WDPCP: variants seen among roughly 807,000 people sequenced by gnomAD.
WDPCP encodes the protein WD repeat containing planar cell polarity effector, also known as WD repeat-containing and planar cell polarity effector protein fritz homolog.
In WDPCP, 71 loss-of-function variants were observed where a neutral mutation model predicts 93.1. The observed-to-expected ratio is 0.76, with a 90% CI of 0.63 to 0.93. WDPCP has a LOEUF of 0.93. Ranked by LOEUF, WDPCP falls within the 40% of genes least tolerant of loss-of-function variation. WDPCP has a pLI of 0.00. For synonymous variants in WDPCP, 315 were observed against 315.0 expected, an observed-to-expected ratio of 1.00 and a Z score of 0.00; for missense variants, 844 against 887.4, an observed-to-expected ratio of 0.95 and a Z score of 0.62.
At chr2:63,287,435 AC>A (rs1248949269) in intron 13 of WDPCP, among the ~76,000 whole-genome samples, 83 of 151,928 alleles carry the variant, frequency 5.5e-4, no homozygotes, top group African/African-American at 1.9e-3. Flanking sequence ...CTGTTGTAAC[AC>A]CCTAATTATT....
intron 17 of WDPCP, among the ~76,000 whole-genome samples, chr2:63,149,864 G>A (rs55635307): frequency 1.2e-4 from 18 of 152,242 alleles, no homozygotes; most frequent in Admixed American, 8.5e-4. Context: ...AGCTAGGCAT[G>A]GTGGCATGCA....
At chr2:63,527,551 A>C (rs1190408736) in intron 1 of WDPCP, among the ~76,000 whole-genome samples, 1 of 151,534 alleles carries the variant, frequency 6.6e-6, no homozygotes, top group Non-Finnish European at 1.5e-5. Context: ...ACATGACCTC[A>C]TCCTTTTTTA....
At chr2:63,622,698 G>A (rs756719068) in intron 3 of WDPCP, 16 of 1,613,760 alleles carry the variant, frequency 9.9e-6, no homozygotes, top group Admixed American at 3.3e-5. Flanking sequence ...CTGGTCAGGG[G>A]TCACCTCCCG....
In WDPCP at chr2:63,174,878, C is replaced by A. The variant is rs150355602; in HGVS notation, c.1916-46G>T. On this transcript the variant is annotated intron_variant, in intron 14 of 17. Transcript: ENST00000272321. ...GTGAGTGAAATACTAAGTACAATTT[C>A]TGCTAACTCCCTTATAAGTAAGATT... is the stretch of plus-strand genomic sequence containing the variant. 2.5e-6 allele frequency: 4 copies of A among 1,584,310 alleles called. No individual in the cohort carries two copies. The African/African-American group carries it at 5.4e-5, about 21-fold the overall frequency.
chr2:63,698,508 A>G (rs946447785), intron 2 of WDPCP, among the ~76,000 whole-genome samples: 2 of 152,204 alleles, frequency 1.3e-5, no homozygotes, highest in Non-Finnish European at 2.9e-5. Flanking sequence ...AGGGACCTGG[A>G]GCCTCTAGAA....
At chr2:63,203,883 C>G (rs766112361) in intron 14 of WDPCP, among the ~76,000 whole-genome samples, 1 of 152,214 alleles carries the variant, frequency 6.6e-6, no homozygotes, top group Non-Finnish European at 1.5e-5. Context: ...ATAACAGGAT[C>G]TCATTCTTTT....
At chr2:63,620,160 C>G (rs978691382) in intron 3 of WDPCP, among the ~76,000 whole-genome samples, 2 of 152,136 alleles carry the variant, frequency 1.3e-5, no homozygotes, top group Admixed American at 1.3e-4. Context: ...ACCTGGAACA[C>G]CAGTGTGACA....
intron 1 of WDPCP, among the ~76,000 whole-genome samples, chr2:63,550,997 C>T (rs890515752): frequency 6.6e-5 from 10 of 152,086 alleles, no homozygotes; most frequent in African/African-American, 1.4e-4. Context: ...CAGAAACCTA[C>T]GTATAAGTCT....
In WDPCP at chr2:63,677,224, G is replaced by A. The variant is rs547644502; in HGVS notation, n.309-26386C>T. Among the ~76,000 whole-genome samples, 4 of 152,178 alleles carry A rather than the reference G, an allele frequency of 2.6e-5. No individual in the cohort carries two copies. The South Asian group carries it at 8.3e-4, about 32-fold the overall frequency. On this transcript the variant is annotated intron_variant and non_coding_transcript_variant, in intron 2 of 4. Coordinates refer to the WDPCP transcript ENST00000467687. ...TTGGATAGATTAATATTATCACTAG[G>A]CCCATTCCCTTCAGAGCAAAAGTAA...
At position 63,338,561 on chromosome 2, in the gene WDPCP, AAAAAAAAAATATATATATAT is replaced by A. The variant is rs1471535750; in HGVS notation, c.1749-25270_1749-25251del. ...GAGCAAAACTCCATCTAAAAAAAAA[AAAAAAAAAATATATATATAT>A]ATATATATATATATATATATATATA... On this transcript the variant is annotated intron_variant, in intron 12 of 17. Coordinates refer to ENST00000272321, the MANE Select transcript of WDPCP (RefSeq NM_015910.7). Among the ~76,000 whole-genome samples the A allele has an allele frequency of 2.7e-3, 204 of 74,690 alleles. 13 individuals are homozygous for A. The highest frequency in any genetic ancestry group is 5.4e-3 in the South Asian group (10 of 1,840). 49.0% of individuals were successfully genotyped at this position (74,690 alleles called of 152,430 possible).
chr2:63,654,885 T>C (rs890453681), intron 2 of WDPCP, among the ~76,000 whole-genome samples: 1 of 152,148 alleles, frequency 6.6e-6, no homozygotes, highest in South Asian at 2.1e-4. Flanking sequence ...GTTGAATCTG[T>C]GAATGTGGAA....
At chr2:63,808,422 G>A (rs1485551769) in intron 2 of WDPCP, among the ~76,000 whole-genome samples, 1 of 148,054 alleles carries the variant, frequency 6.8e-6, no homozygotes, top group Non-Finnish European at 1.5e-5. Flanking sequence ...CTGCCATCTC[G>A]GCTCACTGCA....
intron 1 of WDPCP, among the ~76,000 whole-genome samples, chr2:63,546,395 TAAC>T (rs928868572): frequency 2.6e-5 from 4 of 152,152 alleles, no homozygotes; most frequent in African/African-American, 9.6e-5. Flanking sequence ...AATCCAATTC[TAAC>T]AACAAGTTTG....
intron 1 of WDPCP, among the ~76,000 whole-genome samples, chr2:63,570,693 G>A (rs1462352812): frequency 6.6e-6 from 1 of 152,066 alleles, no homozygotes; most frequent in Admixed American, 6.6e-5. Flanking sequence ...GGAATTAAAT[G>A]TTTCTCATAT....
Position 63,606,994 on chromosome 2 carries a change from A to G in WDPCP, n.488+43665T>C, listed in dbSNP as rs892077268. ...ATTTCTTTCCTCTGCCTGACTAGAC[A>G]ATGATGTTACTAAATGCTTCAAAGC... On this transcript the variant is annotated intron_variant and non_coding_transcript_variant, in intron 3 of 4. Transcript: ENST00000467687. 1.1e-5 allele frequency: 17 copies of G among 1,607,854 alleles called. No homozygotes were observed. In the African/African-American group the frequency reaches 1.9e-4, roughly 18 times the overall value.
At chr2:63,303,696 C>T (rs1559301392) in intron 13 of WDPCP, among the ~76,000 whole-genome samples, 1 of 152,250 alleles carries the variant, frequency 6.6e-6, no homozygotes, top group Middle Eastern at 3.4e-3. Context: ...AAAGATTCAC[C>T]GTTCTCTTTT....
chr2:63,438,030 G>C, intron 7 of WDPCP: 2 of 1,269,266 alleles, frequency 1.6e-6, no homozygotes, highest in Non-Finnish European at 2.0e-6. Context: ...CTTCTTTTAG[G>C]GGTATACAAG....
At chr2:63,149,052 A>C (rs748055873) in intron 17 of WDPCP, among the ~76,000 whole-genome samples, 2 of 152,122 alleles carry the variant, frequency 1.3e-5, no homozygotes, top group African/African-American at 4.8e-5. Flanking sequence ...ATAGTCAAAA[A>C]TTTTTTTCGT....
Position 63,622,521 on chromosome 2 carries a change from C to T in WDPCP, n.488+28138G>A, listed in dbSNP as rs538146832. The T allele has an allele frequency of 3.6e-5, 58 of 1,613,826 alleles. 1 individual carries two copies. The highest frequency in any genetic ancestry group is 6.7e-5 in the East Asian group (3 of 44,866). ...ACATCGTTCCTCCACCACCATCAGC[C>T]GGGCGTGGTTGATGTTCCAGGTGAA... On this transcript the variant is annotated intron_variant and non_coding_transcript_variant, in intron 3 of 4. Coordinates refer to the WDPCP transcript ENST00000467687.
Sources: allele counts gnomAD v4.1 joint callset (sites outside exome capture counted in the v4.1 genomes callset), GRCh38; gene constraint gnomAD v4.1.1; transcripts MANE v1.5; gene names NCBI Gene and HGNC (gene_info 2026-07-23, HGNC 2026-07-21).